CLIP2: variants seen among roughly 807,000 people sequenced by gnomAD.
CLIP2 encodes the protein CAP-Gly domain containing linker protein 2, also known as CAP-Gly domain-containing linker protein 2.
In CLIP2, 41 loss-of-function variants were observed where a neutral mutation model predicts 111.7. That is an observed-to-expected ratio of 0.37 (90% CI 0.29 to 0.48). The LOEUF (loss-of-function observed/expected upper bound fraction) is 0.48. Among genes scored for constraint, CLIP2 ranks in the 20% least tolerant of loss-of-function variants. The pLI, the probability that CLIP2 is intolerant of heterozygous loss-of-function variation, is 0.99. For missense variants in CLIP2, 1,160 were observed against 1,422.1 expected, an observed-to-expected ratio of 0.82 and a Z score of 2.96; for synonymous variants, 660 against 644.2, an observed-to-expected ratio of 1.02 and a Z score of -0.37.
Position 74,317,217 on chromosome 7 carries a change from T to G in CLIP2, c.-67-263T>G, listed in dbSNP as rs1788804056. Among the ~76,000 whole-genome samples, 2 of 152,116 alleles carry G rather than the reference T, an allele frequency of 1.3e-5. 1 individual carries two copies. Among genetic ancestry groups the G allele is most frequent in the South Asian group, 4.1e-4 (2 of 4,830 alleles). On this transcript the variant is annotated intron_variant, in intron 1 of 16. Coordinates refer to ENST00000223398, the MANE Select transcript of CLIP2 (RefSeq NM_003388.5). Reference sequence around the variant, plus strand: ...CTGGTGTGGAGTTGAGGCAGGTAACTGCACACCAGGATATAAGAGGGTAAG... The same window carrying G: ...CTGGTGTGGAGTTGAGGCAGGTAACGGCACACCAGGATATAAGAGGGTAAG...
Position 74,376,180 on chromosome 7 carries a change from G to A in CLIP2, c.1779G>A (p.Ala593=), listed in dbSNP as rs550479087. The A allele has an allele frequency of 6.2e-6, 10 of 1,611,762 alleles. No individual in the cohort carries two copies. Among genetic ancestry groups the A allele is most frequent in the Admixed American group, 3.4e-5 (2 of 59,584 alleles). ...ACGAGAAGTACGCACAGGAGGTGGCGGGCCTGAAGGACAAGGTTCAGCAGG... is the reference window on the plus strand; with the variant it reads ...ACGAGAAGTACGCACAGGAGGTGGCAGGCCTGAAGGACAAGGTTCAGCAGG... ...AANEKYAQEV[A]GLKDKVQQAT... Residue 593 remains alanine, a synonymous_variant, in exon 10 of 17, where the codon GCG becomes GCA. Coordinates refer to ENST00000223398, the MANE Select transcript of CLIP2 (RefSeq NM_003388.5). The surrounding 1 kb of genome is among the most constrained non-coding windows in gnomAD (Gnocchi z 7.1).
At chr7:74,361,107 C>G (rs564628358) in intron 7 of CLIP2, among the ~76,000 whole-genome samples, 1 of 150,806 alleles carries the variant, frequency 6.6e-6, no homozygotes, top group Non-Finnish European at 1.5e-5. Flanking sequence ...TCCATTTCCC[C>G]TTTTTTCCCT....
intron 3 of CLIP2, among the ~76,000 whole-genome samples, chr7:74,346,770 A>T (rs1214604143): frequency 4.0e-5 from 6 of 148,686 alleles, no homozygotes; most frequent in Non-Finnish European, 5.9e-5. Flanking sequence ...ACAGTGGCTC[A>T]CACTTGTAAT....
intron 8 of CLIP2, among the ~76,000 whole-genome samples, chr7:74,370,708 C>T (rs1279818182): frequency 6.6e-6 from 1 of 151,440 alleles, no homozygotes; most frequent in Non-Finnish European, 1.5e-5. Flanking sequence ...CTGTGTCCTG[C>T]CTCTGAGCTT....
chr7:74,367,927 A>T (rs1373252634), intron 8 of CLIP2, among the ~76,000 whole-genome samples: 1 of 152,158 alleles, frequency 6.6e-6, no homozygotes, highest in African/African-American at 2.4e-5. Context: ...AATATTTTTT[A>T]AAAATGCGGG....
At chr7:74,375,092 C>CT (rs1333982211) in intron 9 of CLIP2, among the ~76,000 whole-genome samples, 3 of 152,082 alleles carry the variant, frequency 2.0e-5, no homozygotes, top group African/African-American at 7.2e-5. Flanking sequence ...ATACAAAGAA[C>CT]TTTAACTCAG....
At chr7:74,321,098 T>G (rs1287035947) in intron 2 of CLIP2, among the ~76,000 whole-genome samples, 2 of 152,000 alleles carry the variant, frequency 1.3e-5, no homozygotes, top group Non-Finnish European at 2.9e-5. Flanking sequence ...TGACCTAACC[T>G]CTCTGAGCCA....
rs541881778 is a variant in CLIP2, at chr7:74,348,203, C to T, written c.679-5677C>T. 9.2e-5 allele frequency among the ~76,000 whole-genome samples: 14 copies of T among 151,786 alleles called. No homozygotes were observed. In the East Asian group the frequency reaches 1.9e-3, roughly 21 times the overall value. On this transcript the variant is annotated intron_variant, in intron 3 of 16. Coordinates refer to ENST00000223398, the MANE Select transcript of CLIP2 (RefSeq NM_003388.5). ...AAAAACAGGAGCCAAAAGAGAAGAACATTAGAGAACCTATTTACAGAAAAG... is the reference window on the plus strand; with the variant it reads ...AAAAACAGGAGCCAAAAGAGAAGAATATTAGAGAACCTATTTACAGAAAAG...
intron 2 of CLIP2, among the ~76,000 whole-genome samples, chr7:74,327,396 C>T (rs575101757): frequency 6.6e-6 from 1 of 152,352 alleles, no homozygotes; most frequent in East Asian, 1.9e-4. Flanking sequence ...AGCCACTTCA[C>T]TCGGTCAGCA....
chr7:74,339,134 C>A, intron 3 of CLIP2, 130 bp downstream of exon 3: 1 of 748,326 alleles, frequency 1.3e-6, no homozygotes, highest in East Asian at 2.7e-5. Context: ...CAGGGTCCAG[C>A]CTGGGACACC....
At chr7:74,333,001 G>A (rs184480743) in intron 2 of CLIP2, among the ~76,000 whole-genome samples, 27 of 152,302 alleles carry the variant, frequency 1.8e-4, no homozygotes, top group Non-Finnish European at 3.4e-4. Context: ...GGGAGAATGC[G>A]TCATCTGGGC....
Position 74,336,894 on chromosome 7 carries a change from T to C in CLIP2, c.122-1554T>C, listed in dbSNP as rs1305766807. Among the ~76,000 whole-genome samples, 8 of 106,146 alleles carry C rather than the reference T, an allele frequency of 7.5e-5. No homozygotes were observed. The East Asian group carries it at 1.1e-3, about 14-fold the overall frequency. 69.6% of individuals were successfully genotyped at this position (106,146 alleles called of 152,430 possible). A position where few individuals can be genotyped will look rare whatever the true frequency, so the allele number is the denominator to read the frequency against. Reference sequence around the variant, plus strand: ...TTTTTTGTTTTTTTTTGTTTTGTTTTTTTTTTTTTGAGACAGAGTCTCACT... The same window carrying C: ...TTTTTTGTTTTTTTTTGTTTTGTTTCTTTTTTTTTGAGACAGAGTCTCACT... On this transcript the variant is annotated intron_variant, in intron 2 of 16. Transcript: ENST00000223398.
At chr7:74,374,314 C>T (rs1214282033) in intron 9 of CLIP2, among the ~76,000 whole-genome samples, 1 of 152,220 alleles carries the variant, frequency 6.6e-6, no homozygotes, top group Non-Finnish European at 1.5e-5. Flanking sequence ...TTGTACGGTA[C>T]ACACTCATGT....
intron 9 of CLIP2, 31 bp from the exon 10 acceptor site, chr7:74,375,856 C>T (rs782325841): frequency 2.9e-5 from 42 of 1,470,794 alleles, no homozygotes; most frequent in Middle Eastern, 2.4e-4. Context: ...CCAGCCAGCC[C>T]GCTGATCCCT....
chr7:74,300,985 C>G (rs1168949620), intron 1 of CLIP2, among the ~76,000 whole-genome samples: 2 of 152,154 alleles, frequency 1.3e-5, no homozygotes, highest in Non-Finnish European at 2.9e-5. Flanking sequence ...ATTCTATGTT[C>G]AGTTCTTTGA....
intron 15 of CLIP2, 66 bp downstream of exon 15, chr7:74,400,621 C>T (rs1791593026): frequency 7.1e-7 from 1 of 1,415,944 alleles, no homozygotes; most frequent in Non-Finnish European, 9.4e-7. Context: ...GAGCCCCCGT[C>T]TGATGCGGGA....
Position 74,376,807 on chromosome 7 carries a change from CT to C in CLIP2, c.2407del (p.Ser803ProfsTer6). On this transcript the variant is annotated frameshift_variant, in exon 10 of 17. Transcript: ENST00000223398. LOFTEE classifies it high-confidence loss of function. This position sits in a 1 kb window ranked among gnomAD's most constrained non-coding sequence, Gnocchi z 7.1. ...RLQAVEALCS[S>X]QHTHMIESND... ...TCCAGGCGGTCGAGGCCCTGTGCTC[CT>C]CCCAGCACACCCACGTAGGCGCCTG... 1 of 1,597,124 alleles carries C rather than the reference CT, an allele frequency of 6.3e-7. No individual in the cohort carries two copies. The highest frequency in any genetic ancestry group is 8.5e-7 in the Non-Finnish European group (1 of 1,172,460).
chr7:74,401,407 G>A, intron 15 of CLIP2, 98 bp from the exon 16 acceptor site: 3 of 1,188,984 alleles, frequency 2.5e-6, no homozygotes, highest in Non-Finnish European at 2.5e-6. Flanking sequence ...GGAATTTGGA[G>A]CCTGAGACGG....
At chr7:74,305,012 GT>G (rs1432805912) in intron 1 of CLIP2, among the ~76,000 whole-genome samples, 2 of 119,354 alleles carry the variant, frequency 1.7e-5, no homozygotes, top group Non-Finnish European at 3.5e-5. Context: ...CCCCACCCCA[GT>G]CCCCTCCCAC....
Sources: allele counts gnomAD v4.1 joint callset (sites outside exome capture counted in the v4.1 genomes callset), GRCh38; gene constraint gnomAD v4.1.1; non-coding constraint Gnocchi (gnomAD v3.1); transcripts MANE v1.5; gene names NCBI Gene and HGNC (gene_info 2026-07-23, HGNC 2026-07-21).